Variants in NUP98 observed in about 807,000 individuals in gnomAD.
The protein encoded by NUP98 is nuclear pore complex protein Nup98-Nup96.
A neutral mutation model predicts 191.9 loss-of-function variants in NUP98; 26 were observed. That is an observed-to-expected ratio of 0.14 (90% CI 0.10 to 0.19). The LOEUF (loss-of-function observed/expected upper bound fraction) is 0.19, where lower values mean the gene tolerates loss of function less well. Ranked by LOEUF, NUP98 falls within the 10% of genes least tolerant of loss-of-function variation. NUP98 has a pLI of 1.00. For synonymous variants in NUP98, 808 were observed against 778.4 expected, an observed-to-expected ratio of 1.04 and a Z score of -0.63; for missense variants, 1,941 against 2,178.8, an observed-to-expected ratio of 0.89 and a Z score of 2.17.
At chr11:3,744,332 C>G (rs2080406554) in intron 12 of NUP98, among the ~76,000 whole-genome samples, 177 bp downstream of exon 12, 1 of 152,126 alleles carries the variant, frequency 6.6e-6, no homozygotes, top group African/African-American at 2.4e-5. Context: ...GGCCTAGGAG[C>G]TGGGAAAGCA....
chr11:3,766,689 C>CAAA (rs544567161), intron 8 of NUP98, among the ~76,000 whole-genome samples: 14 of 58,810 alleles, frequency 2.4e-4, no homozygotes, highest in African/African-American at 6.2e-4. Context: ...AACTCCGTCT[C>CAAA]AAAAAAAAAA....
intron 21 of NUP98, among the ~76,000 whole-genome samples, chr11:3,706,045 T>C (rs1052459149): frequency 6.7e-6 from 1 of 148,972 alleles, no homozygotes; most frequent in Non-Finnish European, 1.5e-5. Context: ...GGTACACGCC[T>C]GTAATCTCAC....
rs749041982 is a variant in NUP98, at chr11:3,719,400, A to G, written c.2399+12T>C. On this transcript the variant is annotated intron_variant, in intron 18 of 32. Coordinates refer to ENST00000324932, the MANE Select transcript of NUP98 (RefSeq NM_016320.5). ...TTAGCTGATAATTTTCTGTATGTACATAAACTCTTACCTATTTAGCCCTTC... is the reference window on the plus strand; with the variant it reads ...TTAGCTGATAATTTTCTGTATGTACGTAAACTCTTACCTATTTAGCCCTTC... 6.3e-7 allele frequency: 1 copy of G among 1,576,338 alleles called. No homozygotes were observed. The highest frequency in any genetic ancestry group is 1.2e-5 in the South Asian group (1 of 83,658).
chr11:3,728,824 A>C (rs111435610), intron 14 of NUP98, among the ~76,000 whole-genome samples: 1 of 152,222 alleles, frequency 6.6e-6, no homozygotes, highest in Non-Finnish European at 1.5e-5. Flanking sequence ...GGTGGCTTGC[A>C]CTAGGGTAAT....
chr11:3,728,755 T>A (rs369795309), intron 14 of NUP98, among the ~76,000 whole-genome samples: 32 of 151,958 alleles, frequency 2.1e-4, no homozygotes, highest in African/African-American at 7.0e-4. Flanking sequence ...AATAAATAAA[T>A]AAAAATAAAA....
intron 1 of NUP98, among the ~76,000 whole-genome samples, chr11:3,791,147 A>C (rs188736999): frequency 1.3e-5 from 2 of 151,832 alleles, no homozygotes; most frequent in African/African-American, 2.4e-5. Flanking sequence ...CGCCCCCCTC[A>C]GCCTCCCAAA....
At chr11:3,756,636 T>TA (rs79903575) in intron 10 of NUP98, among the ~76,000 whole-genome samples, 19 of 226 alleles carry the variant, frequency 0.084, no homozygotes, top group South Asian at 0.32. Context: ...CTGGCCAGTC[T>TA]ATCTCGAACT....
chr11:3,714,524 A>G (rs2079115591), intron 18 of NUP98, among the ~76,000 whole-genome samples: 1 of 152,256 alleles, frequency 6.6e-6, no homozygotes, highest in Middle Eastern at 3.4e-3. Context: ...ACATCTAAAC[A>G]CAGTGACTAC....
chr11:3,778,588 C>A (rs937218445), intron 4 of NUP98, among the ~76,000 whole-genome samples: 6 of 152,234 alleles, frequency 3.9e-5, no homozygotes, highest in African/African-American at 9.6e-5. Flanking sequence ...ACTACTCTGA[C>A]CTGGCTTTTC....
intron 4 of NUP98, among the ~76,000 whole-genome samples, chr11:3,777,288 T>C (rs542415487): frequency 2.0e-5 from 3 of 152,162 alleles, no homozygotes; most frequent in Non-Finnish European, 2.9e-5. Context: ...ATTTAATTGT[T>C]GCTAAGGAAT....
At position 3,720,780 on chromosome 11, in the gene NUP98, T is replaced by C; in HGVS notation, c.2192A>G (p.Asp731Gly). The C allele has an allele frequency of 1.3e-6, 2 of 1,566,690 alleles. 1 individual carries two copies. Among genetic ancestry groups the C allele is most frequent in the South Asian group, 2.2e-5 (2 of 89,998 alleles). The change falls in exon 17 of 33, where the codon GAT becomes GGT. Residue 731 changes from aspartate (D) to glycine (G), a missense_variant. By Grantham distance (94) the Asp-to-Gly change is moderately conservative (BLOSUM62 -1). Around this residue, in one of 6 missense-constraint regions of NUP98, gnomAD observed 453 missense variants for 438.2 expected, o/e 1.03. Coordinates refer to ENST00000324932, the MANE Select transcript of NUP98 (RefSeq NM_016320.5). Reference sequence around the variant, plus strand: ...TTCATTGGTAATTTTAGCAAGGTCATCCATAGATGGAATAGTATAGTAACC... The same window carrying C: ...TTCATTGGTAATTTTAGCAAGGTCACCCATAGATGGAATAGTATAGTAACC... ...KVGYYTIPSM[D>G]DLAKITNEKG... is the part of the protein sequence containing the mutation.
intron 8 of NUP98, among the ~76,000 whole-genome samples, chr11:3,764,190 T>C (rs1363132101): frequency 6.6e-6 from 1 of 152,188 alleles, no homozygotes; most frequent in African/African-American, 2.4e-5. Context: ...TTAATGTGAA[T>C]GGAGTCATAA....
At position 3,717,828 on chromosome 11, in the gene NUP98, T is replaced by G. The variant is rs146958189; in HGVS notation, c.2399+1584A>C. ...ATTTTGGTAAATACTTTTTCTGTAT[T>G]ATGATGATGATGATGATGTGGTATA... On this transcript the variant is annotated intron_variant, in intron 18 of 32. Transcript: ENST00000324932. Among the ~76,000 whole-genome samples, 290 of 152,074 alleles carry G rather than the reference T, an allele frequency of 1.9e-3. 3 individuals carry two copies. The highest frequency in any genetic ancestry group is 6.7e-3 in the African/African-American group (277 of 41,482).
chr11:3,753,189 C>T (rs1408716324), intron 11 of NUP98, 127 bp downstream of exon 11: 21 of 770,258 alleles, frequency 2.7e-5, no homozygotes, highest in Non-Finnish European at 4.6e-5. Flanking sequence ...GTCTTATAAA[C>T]GCAACTGGAA....
rs1026448685 is a variant in NUP98 at position 3,695,637 on chromosome 11, T to C, written c.4010-31A>G. On this transcript the variant is annotated intron_variant, in intron 25 of 32. Transcript: ENST00000324932. ...AGAGAAATGGAAGTTTTTTGGTTAT[T>C]ACTAAGGGTTTATGGACTTCGTCAA... 5.4e-6 allele frequency: 8 copies of C among 1,482,380 alleles called. No homozygotes were observed. The Admixed American group carries it at 1.3e-4, about 24-fold the overall frequency. 91.8% of individuals were successfully genotyped at this position (1,482,380 alleles called of 1,614,324 possible).
intron 12 of NUP98, among the ~76,000 whole-genome samples, chr11:3,743,286 G>GCC (rs2080354021): frequency 6.7e-6 from 1 of 150,112 alleles, no homozygotes; most frequent in Admixed American, 6.7e-5. Context: ...CAAAGTACTG[G>GCC]GATTATAGGC....
In NUP98 at chr11:3,778,822, A is replaced by G. The variant is rs113856046; in HGVS notation, c.355+51T>C. The G allele has an allele frequency of 8.0e-4, 1,242 of 1,562,132 alleles. 4 individuals carry two copies. The African/African-American group carries it at 0.014, about 18-fold the overall frequency. ...AAAACGGAGAAAAGACAACACATTC[A>G]ATAAGCAAACCAAATTATTAGATGC... On this transcript the variant is annotated intron_variant, in intron 4 of 32. Transcript: ENST00000324932.
intron 1 of NUP98, among the ~76,000 whole-genome samples, chr11:3,791,442 G>T (rs554343669): frequency 3.6e-4 from 53 of 148,188 alleles, no homozygotes; most frequent in African/African-American, 1.3e-3. Flanking sequence ...GCGGAGACAG[G>T]AGAATCAGTG....
rs654148 is a variant in NUP98, at chr11:3,711,317, G to C, written c.2742+1247C>G. 9.1e-3 allele frequency among the ~76,000 whole-genome samples: 1,388 copies of C among 152,136 alleles called. 14 individuals carry two copies. The highest frequency in any genetic ancestry group is 0.032 in the African/African-American group (1,318 of 41,514). On this transcript the variant is annotated intron_variant, in intron 20 of 32. Transcript: ENST00000324932. ...GAACCTTGATCTGAAATTTTTGGGT[G>C]CTCAATTTTTCAAAGAGCTCTCACA...
Sources: allele counts gnomAD v4.1 joint callset (sites outside exome capture counted in the v4.1 genomes callset), GRCh38; gene constraint gnomAD v4.1.1; regional missense constraint gnomAD v4.1.1; transcripts MANE v1.5; gene names NCBI Gene and HGNC (gene_info 2026-07-23, HGNC 2026-07-21).